Variants in ATXN1 observed in about 807,000 individuals in gnomAD.
ATXN1 encodes the protein ataxin 1.
Under a neutral mutation model 56.4 loss-of-function variants are expected in ATXN1, and 8 were observed. The ratio of observed to expected loss-of-function variants is 0.14; its 90% CI spans 0.08 to 0.26. The LOEUF is 0.26. Ranked by LOEUF, ATXN1 falls within the 10% of genes least tolerant of loss-of-function variation. The probability of loss-of-function intolerance (pLI) is 1.00; values close to 1 mark genes in which losing one functional copy is unlikely to be tolerated. For missense variants in ATXN1, 987 were observed against 1,106.5 expected (o/e 0.89, Z 1.53); for synonymous variants, 514 against 494.6 (o/e 1.04, Z -0.52).
chr6:16,748,712 GC>G (rs1200734103), intron 2 of ATXN1, among the ~76,000 whole-genome samples: 1 of 152,092 alleles, frequency 6.6e-6, no homozygotes, highest in Non-Finnish European at 1.5e-5. Context: ...AGAACGATCT[GC>G]CCCTGGAGTT....
chr6:16,513,366 T>G (rs1044966854), intron 5 of ATXN1, among the ~76,000 whole-genome samples: 3 of 152,220 alleles, frequency 2.0e-5, no homozygotes, highest in Admixed American at 6.5e-5. Context: ...CACTGGAGAT[T>G]CTAAATGTTT....
chr6:16,565,325 T>A (rs1762197071), intron 4 of ATXN1, among the ~76,000 whole-genome samples: 2 of 152,316 alleles, frequency 1.3e-5, no homozygotes, highest in Admixed American at 1.3e-4. Context: ...GCCACATCAT[T>A]TTGTTTAGGG....
intron 5 of ATXN1, among the ~76,000 whole-genome samples, chr6:16,494,913 G>C (rs1016939525): frequency 2.0e-5 from 3 of 152,180 alleles, no homozygotes; most frequent in Non-Finnish European, 4.4e-5. Context: ...GGGAGGTCTG[G>C]GTCTAGAAGC....
At chr6:16,753,401 G>A (rs1460151193) in intron 1 of ATXN1, 54 bp from the exon 2 acceptor site, 17 of 453,954 alleles carry the variant, frequency 3.7e-5, no homozygotes, top group East Asian at 3.5e-4. Context: ...AAACAGAATA[G>A]ACTGCTTTAA....
At chr6:16,390,172 T>C (rs187998319) in intron 6 of ATXN1, among the ~76,000 whole-genome samples, 1 of 152,372 alleles carries the variant, frequency 6.6e-6, no homozygotes, top group Non-Finnish European at 1.5e-5. Flanking sequence ...CTACTGCTAC[T>C]AGTACTCTAA....
rs560442647 is a variant in ATXN1 at position 16,346,958 on chromosome 6, G to A, written c.-160-18488C>T. On this transcript the variant is annotated intron_variant, in intron 6 of 7. Transcript: ENST00000436367. ...CGCGTTCCAGGTGGCTGTGGGCTCC[G>A]TGGGCCCCGCACTCGGAGCAGCGGC... is the stretch of plus-strand genomic sequence containing the variant. 5.9e-5 allele frequency among the ~76,000 whole-genome samples: 9 copies of A among 152,348 alleles called. No individual in the cohort carries two copies. The East Asian group carries it at 1.7e-3, about 29-fold the overall frequency.
chr6:16,586,043 G>GCGCACACACACACACACACA (rs61649104), intron 3 of ATXN1, 136 bp from the exon 4 acceptor site: 1 of 148,286 alleles, frequency 6.7e-6, no homozygotes, highest in African/African-American at 2.5e-5. Flanking sequence ...GCAAGCATGC[G>GCGCACACACACACACACACA]CACACACACA....
At chr6:16,679,646 A>G (rs897125302) in intron 2 of ATXN1, among the ~76,000 whole-genome samples, 1 of 152,250 alleles carries the variant, frequency 6.6e-6, no homozygotes, top group Non-Finnish European at 1.5e-5. Flanking sequence ...ATGTACACTG[A>G]AGTGTGATAA....
chr6:16,560,906 A>G (rs745513657), intron 4 of ATXN1, among the ~76,000 whole-genome samples: 36 of 152,172 alleles, frequency 2.4e-4, no homozygotes, highest in Non-Finnish European at 4.3e-4. Flanking sequence ...TTAGTCAAAC[A>G]TATCAACCTT....
At chr6:16,662,023 A>T (rs1463055628) in intron 2 of ATXN1, among the ~76,000 whole-genome samples, 1 of 152,230 alleles carries the variant, frequency 6.6e-6, no homozygotes, top group Non-Finnish European at 1.5e-5. Flanking sequence ...ACAGCAGTAG[A>T]TAACTACTAC....
At chr6:16,429,108 C>A (rs553357782) in intron 6 of ATXN1, among the ~76,000 whole-genome samples, 74 of 152,096 alleles carry the variant, frequency 4.9e-4, no homozygotes, top group African/African-American at 1.7e-3. Context: ...TGCACCTGTT[C>A]CCTCCTCACT....
chr6:16,420,825 T>TTC (rs141618033), intron 6 of ATXN1, among the ~76,000 whole-genome samples: 31 of 150,556 alleles, frequency 2.1e-4, no homozygotes, highest in Admixed American at 4.0e-4. Flanking sequence ...CAGTTACAGA[T>TTC]TCTCTCTCTC....
intron 4 of ATXN1, among the ~76,000 whole-genome samples, chr6:16,531,055 A>G (rs971662403): frequency 3.3e-5 from 5 of 152,240 alleles, no homozygotes; most frequent in African/African-American, 1.2e-4. Context: ...TTTGTACAAA[A>G]CAATCAGCAC....
intron 3 of ATXN1, among the ~76,000 whole-genome samples, chr6:16,608,183 T>G (rs1041155217): frequency 6.6e-6 from 1 of 152,216 alleles, no homozygotes; most frequent in African/African-American, 2.4e-5. Context: ...GCGACTTGGA[T>G]GTTCTGCCAA....
At chr6:16,342,681 A>C (rs540706758) in intron 6 of ATXN1, among the ~76,000 whole-genome samples, 1 of 152,350 alleles carries the variant, frequency 6.6e-6, no homozygotes, top group East Asian at 1.9e-4. Context: ...GCTATTATTC[A>C]TCCCCCTCTC....
intron 3 of ATXN1, among the ~76,000 whole-genome samples, chr6:16,608,432 T>G (rs773543282): frequency 5.9e-5 from 9 of 152,212 alleles, no homozygotes; most frequent in Admixed American, 2.0e-4. Context: ...TGTGTTTGGA[T>G]GTGGGGAGAA....
At chr6:16,343,602 T>C (rs1007759219) in intron 6 of ATXN1, among the ~76,000 whole-genome samples, 1 of 152,170 alleles carries the variant, frequency 6.6e-6, no homozygotes, top group African/African-American at 2.4e-5. Context: ...TTAGTGTCAC[T>C]GCTCTATCAT....
chr6:16,688,914 T>C (rs866703487), intron 2 of ATXN1, among the ~76,000 whole-genome samples: 18 of 152,134 alleles, frequency 1.2e-4, no homozygotes, highest in African/African-American at 4.1e-4. Context: ...AGCATGGAAA[T>C]AGACTTGGAG....
At chr6:16,683,026 T>G (rs1350508136) in intron 2 of ATXN1, among the ~76,000 whole-genome samples, 1 of 152,200 alleles carries the variant, frequency 6.6e-6, no homozygotes, top group African/African-American at 2.4e-5. Context: ...ATAAAAAGCC[T>G]TGACCGCCAA....
Sources: allele counts gnomAD v4.1 joint callset (sites outside exome capture counted in the v4.1 genomes callset), GRCh38; gene constraint gnomAD v4.1.1; transcripts MANE v1.5; gene names NCBI Gene and HGNC (gene_info 2026-07-23, HGNC 2026-07-21).